The following RBFOX1 variants were observed in gnomAD, a reference collection of about 807,000 sequenced individuals.
RBFOX1 encodes RNA binding fox-1 homolog 1.
RBFOX1 carries 8 observed loss-of-function variants against 57.7 expected under a neutral mutation model. That is an observed-to-expected ratio of 0.14 (90% CI 0.08 to 0.25). The LOEUF (loss-of-function observed/expected upper bound fraction) is 0.25. Among genes scored for constraint, RBFOX1 ranks in the 10% least tolerant of loss-of-function variants. The probability of loss-of-function intolerance (pLI) is 1.00; values close to 1 mark genes in which losing one functional copy is unlikely to be tolerated. For missense variants in RBFOX1, 611 were observed against 548.5 expected (o/e 1.11, Z -1.14); for synonymous variants, 326 against 222.4 (o/e 1.47, Z -4.15).
At chr16:7,394,277 T>G (rs369167856) in intron 4 of RBFOX1, among the ~76,000 whole-genome samples, 32 of 71,096 alleles carry the variant, frequency 4.5e-4, no homozygotes, top group African/African-American at 1.5e-3. Flanking sequence ...GAGAAAGAAA[T>G]AAAAAATAGT....
chr16:7,704,100 G>T (rs2081629198), intron 14 of RBFOX1, among the ~76,000 whole-genome samples: 1 of 152,188 alleles, frequency 6.6e-6, no homozygotes, highest in South Asian at 2.1e-4. Flanking sequence ...ATGAGGCTCA[G>T]AGAGCATGCT....
intron 4 of RBFOX1, among the ~76,000 whole-genome samples, chr16:7,184,921 GT>G (rs142559720): frequency 0.011 from 1,712 of 152,118 alleles, 37 homozygotes; most frequent in African/African-American, 0.039. Context: ...TGCTTACTTG[GT>G]GCCCAAAGTA....
chr16:6,369,622 C>T (rs1031632695), intron 2 of RBFOX1, among the ~76,000 whole-genome samples: 4 of 152,130 alleles, frequency 2.6e-5, no homozygotes, highest in African/African-American at 9.7e-5. Flanking sequence ...CCATGTTCCC[C>T]CACCATCTTT....
At chr16:6,530,569 G>A (rs533046306) in intron 2 of RBFOX1, among the ~76,000 whole-genome samples, 1 of 152,258 alleles carries the variant, frequency 6.6e-6, no homozygotes, top group South Asian at 2.1e-4. Flanking sequence ...TCACGCTGCT[G>A]ATAAAGACAT....
At chr16:7,698,064 G>T (rs534836259) in intron 14 of RBFOX1, among the ~76,000 whole-genome samples, 1 of 152,082 alleles carries the variant, frequency 6.6e-6, no homozygotes, top group Admixed American at 6.5e-5. Flanking sequence ...TGTGTTCTAG[G>T]TTAATTCACC....
intron 2 of RBFOX1, among the ~76,000 whole-genome samples, chr16:6,417,031 A>T (rs148779786): frequency 9.5e-4 from 144 of 152,104 alleles, no homozygotes; most frequent in African/African-American, 3.4e-3. Context: ...TATTTTTTTG[A>T]GACAGAGTCT....
intron 3 of RBFOX1, among the ~76,000 whole-genome samples, chr16:6,843,190 T>C (rs896060701): frequency 6.6e-6 from 1 of 152,170 alleles, no homozygotes; most frequent in Non-Finnish European, 1.5e-5. Flanking sequence ...TTAGAGTGGA[T>C]GTCTCTTGGG....
At chr16:7,065,516 C>T (rs1414181964) in intron 4 of RBFOX1, among the ~76,000 whole-genome samples, 2 of 152,100 alleles carry the variant, frequency 1.3e-5, no homozygotes, top group Admixed American at 6.6e-5. Flanking sequence ...TTTTTAATAC[C>T]ATTTTTCTAA....
chr16:7,649,101 G>A (rs967124965), intron 11 of RBFOX1, among the ~76,000 whole-genome samples: 1 of 152,060 alleles, frequency 6.6e-6, no homozygotes, highest in Non-Finnish European at 1.5e-5. Context: ...GCAAAAGGAA[G>A]CTTATAAAGA....
At chr16:7,020,985 G>A (rs1008999618) in intron 3 of RBFOX1, among the ~76,000 whole-genome samples, 1 of 152,078 alleles carries the variant, frequency 6.6e-6, no homozygotes, top group Admixed American at 6.6e-5. Flanking sequence ...AAAATTAGTT[G>A]GGCATAGTGG....
chr16:5,600,598 G>A (rs1364744243), downstream of RBFOX1, among the ~76,000 whole-genome samples: 1 of 151,330 alleles, frequency 6.6e-6, no homozygotes, highest in Non-Finnish European at 1.5e-5. Flanking sequence ...CTGACCCTTC[G>A]TGCAAACTGG....
intron 3 of RBFOX1, among the ~76,000 whole-genome samples, chr16:6,921,645 AT>A (rs372298051): frequency 0.01 from 557 of 55,250 alleles, 4 homozygotes; most frequent in African/African-American, 0.028. Context: ...ATATATATAT[AT>A]TTTTTTTTTT....
chr16:5,977,891 G>T (rs964285593), intron 4 of RBFOX1, among the ~76,000 whole-genome samples: 2 of 151,906 alleles, frequency 1.3e-5, no homozygotes, highest in African/African-American at 4.8e-5. Flanking sequence ...GGCTTAGACA[G>T]TTTTTTTGAC....
chr16:7,134,571 C>G (rs914680725), intron 4 of RBFOX1, among the ~76,000 whole-genome samples: 10 of 152,238 alleles, frequency 6.6e-5, no homozygotes, highest in African/African-American at 2.4e-4. Flanking sequence ...AGCCTATTTT[C>G]TTAATTATAT....
At chr16:5,941,701 A>T (rs11644345) in intron 4 of RBFOX1, among the ~76,000 whole-genome samples, 6 of 151,746 alleles carry the variant, frequency 4.0e-5, no homozygotes, top group Non-Finnish European at 7.4e-5. Flanking sequence ...TGAACTAGCC[A>T]GGAATTATCC....
intron 3 of RBFOX1, among the ~76,000 whole-genome samples, chr16:7,001,398 T>TTGTATATGTATATGTATA (rs55910456): frequency 1.7e-3 from 172 of 100,902 alleles, no homozygotes; most frequent in South Asian, 2.6e-3. Context: ...GTATGTGTAT[T>TTGTATATGTATATGTATA]TGTATATGTA....
intron 1 of RBFOX1, among the ~76,000 whole-genome samples, chr16:5,409,180 G>A (rs761259935): frequency 1.6e-4 from 25 of 152,202 alleles, no homozygotes; most frequent in Non-Finnish European, 3.5e-4. Context: ...TCACCACAGC[G>A]ATGTGTGGCA....
chr16:5,395,024 T>C (rs970467856), intron 1 of RBFOX1, among the ~76,000 whole-genome samples: 4 of 152,208 alleles, frequency 2.6e-5, no homozygotes, highest in African/African-American at 9.6e-5. Flanking sequence ...GAGTCCCACA[T>C]TTCAAGCCAG....
chr16:7,651,902 C>G (rs2065142434), intron 11 of RBFOX1, among the ~76,000 whole-genome samples: 1 of 152,108 alleles, frequency 6.6e-6, no homozygotes. Flanking sequence ...TGAGATGGGA[C>G]AAGCGTAGTG....
Sources: gnomAD v4.1 joint callset for allele counts (sites outside exome capture counted in the v4.1 genomes callset) on GRCh38, gnomAD v4.1.1 for gene constraint, MANE v1.5 for transcripts, NCBI Gene and HGNC (gene_info 2026-07-23, HGNC 2026-07-21) for gene names.